The following CHST11 variants were observed in gnomAD, a reference collection of about 807,000 sequenced individuals.
CHST11 encodes C4S-1.
CHST11 carries 9 observed loss-of-function variants against 30.4 expected under a neutral mutation model. The observed-to-expected ratio is 0.30, with a 90% CI of 0.18 to 0.52. The LOEUF is 0.52. Among genes scored for constraint, CHST11 ranks in the 20% least tolerant of loss-of-function variants. The pLI is 0.97. For missense variants in CHST11, 348 were observed against 460.6 expected (o/e 0.76, Z 2.24); for synonymous variants, 152 against 187.8 (o/e 0.81, Z 1.56).
At chr12:104,665,119 C>T (rs1248022070) in intron 2 of CHST11, among the ~76,000 whole-genome samples, 9 of 152,176 alleles carry the variant, frequency 5.9e-5, no homozygotes, top group Non-Finnish European at 1.0e-4. Flanking sequence ...AATCTGGTCA[C>T]TCTTGGATGA....
chr12:104,739,808 G>A (rs1431453985), intron 2 of CHST11, among the ~76,000 whole-genome samples: 1 of 152,162 alleles, frequency 6.6e-6, no homozygotes, highest in Non-Finnish European at 1.5e-5. Flanking sequence ...GGAGACTGAG[G>A]CCAGGAGAGT....
chr12:104,510,076 G>A (rs1438280368), intron 1 of CHST11, among the ~76,000 whole-genome samples: 1 of 152,126 alleles, frequency 6.6e-6, no homozygotes, highest in Admixed American at 6.5e-5. Flanking sequence ...ACTGAATCAG[G>A]CCCAGAAGAG....
Position 104,757,971 on chromosome 12 carries a change from T to A in CHST11, c.*168T>A. On this transcript the variant is annotated 3_prime_UTR_variant, in exon 3 of 3. Transcript: ENST00000303694. The surrounding 1 kb of genome is among the most constrained non-coding windows in gnomAD (Gnocchi z 6.5). ...AATCCTTCGTAGGGAAGGACAGCTG[T>A]CTTTGCAGGGGAAATAGGATGGGTC... 1 of 732,688 alleles carries A rather than the reference T, an allele frequency of 1.4e-6. No homozygotes were observed. Among genetic ancestry groups the A allele is most frequent in the Non-Finnish European group, 2.2e-6 (1 of 462,840 alleles). The allele number at this position is 732,688 out of a possible 1,614,324, so 45.4% of individuals were successfully genotyped here. A position where few individuals can be genotyped will look rare whatever the true frequency, so the allele number is the denominator to read the frequency against.
intron 2 of CHST11, among the ~76,000 whole-genome samples, chr12:104,633,360 G>A (rs574111120): frequency 1.3e-4 from 20 of 151,074 alleles, no homozygotes; most frequent in African/African-American, 4.6e-4. Flanking sequence ...GAGTGGTGTT[G>A]GAAGCCAGAG....
intron 2 of CHST11, among the ~76,000 whole-genome samples, chr12:104,638,439 A>T (rs150595171): frequency 6.6e-6 from 1 of 152,140 alleles, no homozygotes; most frequent in African/African-American, 2.4e-5. Context: ...CAACCACTTG[A>T]CTCAACCTGA....
intron 2 of CHST11, among the ~76,000 whole-genome samples, chr12:104,633,412 C>CTT (rs34686417): frequency 0.12 from 13,851 of 111,812 alleles, 2,281 homozygotes; most frequent in African/African-American, 0.34. Flanking sequence ...CTCCCTCTGT[C>CTT]TTTTTTTTTT....
intron 1 of CHST11, among the ~76,000 whole-genome samples, chr12:104,547,088 T>C (rs2136006245): frequency 6.6e-6 from 1 of 152,360 alleles, no homozygotes; most frequent in South Asian, 2.1e-4. Context: ...TTTCTCTAGC[T>C]GAGTCTAGGA....
At chr12:104,559,220 A>C (rs1309490706) in intron 1 of CHST11, among the ~76,000 whole-genome samples, 2 of 152,186 alleles carry the variant, frequency 1.3e-5, no homozygotes, top group East Asian at 3.8e-4. Context: ...ACTCAAGGAC[A>C]GGGATAGTAT....
chr12:104,573,093 G>A (rs1276486122), intron 1 of CHST11, among the ~76,000 whole-genome samples: 1 of 152,024 alleles, frequency 6.6e-6, no homozygotes, highest in South Asian at 2.1e-4. Context: ...CAAATCATGA[G>A]TGAACTCCCA....
chr12:104,632,514 G>A (rs1775557807), intron 2 of CHST11, among the ~76,000 whole-genome samples: 1 of 152,308 alleles, frequency 6.6e-6, no homozygotes, highest in African/African-American at 2.4e-5. Flanking sequence ...GAGTCCTAGA[G>A]CTTCTCATCA....
intron 2 of CHST11, among the ~76,000 whole-genome samples, chr12:104,617,705 G>C (rs1316576662): frequency 6.6e-6 from 1 of 152,118 alleles, no homozygotes; most frequent in Non-Finnish European, 1.5e-5. Flanking sequence ...GGTTGCCTCG[G>C]TTCAAATTTA....
At chr12:104,562,881 T>C (rs2136017750) in intron 1 of CHST11, among the ~76,000 whole-genome samples, 1 of 152,236 alleles carries the variant, frequency 6.6e-6, no homozygotes, top group Non-Finnish European at 1.5e-5. Context: ...CTTGGCACCT[T>C]CTCAAAGCAC....
chr12:104,543,719 C>T (rs543128887), intron 1 of CHST11, among the ~76,000 whole-genome samples: 103 of 152,180 alleles, frequency 6.8e-4, no homozygotes, highest in African/African-American at 2.4e-3. Context: ...TACTTTTTTT[C>T]ACCTCTTCCT....
intron 2 of CHST11, among the ~76,000 whole-genome samples, chr12:104,753,892 G>T (rs2040454357): frequency 6.6e-6 from 1 of 152,092 alleles, no homozygotes; most frequent in African/African-American, 2.4e-5. Context: ...AGCCTAACAA[G>T]GCATCGGAGT....
intron 2 of CHST11, among the ~76,000 whole-genome samples, chr12:104,675,339 A>G (rs1395395708): frequency 6.6e-6 from 1 of 152,210 alleles, no homozygotes; most frequent in African/African-American, 2.4e-5. Flanking sequence ...GAATACACTC[A>G]TGTGCCCTCT....
intron 2 of CHST11, among the ~76,000 whole-genome samples, chr12:104,656,191 A>G (rs893102324): frequency 2.4e-4 from 36 of 152,242 alleles, no homozygotes; most frequent in African/African-American, 8.2e-4. Flanking sequence ...AAATCAAACA[A>G]ATGAGTGAGG....
At chr12:104,605,300 T>C (rs551596521) in intron 2 of CHST11, among the ~76,000 whole-genome samples, 166 of 152,318 alleles carry the variant, frequency 1.1e-3, no homozygotes, top group African/African-American at 3.7e-3. Flanking sequence ...GAGTTTTTTA[T>C]TTTAGTGTCC....
chr12:104,474,138 CTTA>C (rs1353516566), intron 1 of CHST11, among the ~76,000 whole-genome samples: 2 of 152,074 alleles, frequency 1.3e-5, no homozygotes, highest in African/African-American at 4.8e-5. Flanking sequence ...TGAGGTAGTA[CTTA>C]TTATTGGAAG....
intron 1 of CHST11, among the ~76,000 whole-genome samples, chr12:104,534,536 A>G (rs1338040756): frequency 6.6e-6 from 1 of 152,182 alleles, no homozygotes; most frequent in Middle Eastern, 3.2e-3. Flanking sequence ...ATTCGTTCTT[A>G]TCACATTACA....
Sources: gnomAD v4.1 joint callset for allele counts (sites outside exome capture counted in the v4.1 genomes callset) on GRCh38, gnomAD v4.1.1 for gene constraint, Gnocchi (gnomAD v3.1) non-coding constraint, MANE v1.5 for transcripts, NCBI Gene and HGNC (gene_info 2026-07-23, HGNC 2026-07-21) for gene names.